FLT1: variants seen among roughly 807,000 people sequenced by gnomAD.
FLT1 encodes the protein fms related receptor tyrosine kinase 1, also known as vascular endothelial growth factor receptor 1.
A neutral mutation model predicts 156.3 loss-of-function variants in FLT1; 49 were observed. The ratio of observed to expected loss-of-function variants is 0.31; its 90% CI spans 0.25 to 0.40. The LOEUF (loss-of-function observed/expected upper bound fraction) is 0.40, where lower values mean the gene tolerates loss of function less well. Among genes scored for constraint, FLT1 ranks in the 10% least tolerant of loss-of-function variants. The probability of loss-of-function intolerance (pLI) is 1.00; values close to 1 mark genes in which losing one functional copy is unlikely to be tolerated. For synonymous variants in FLT1, 594 were observed against 583.8 expected (o/e 1.02, Z -0.25); for missense variants, 1,322 against 1,637.2 (o/e 0.81, Z 3.32).
Position 28,366,884 on chromosome 13 carries a change from G to A in FLT1, c.2117-9199C>T, listed in dbSNP as rs141696902. On this transcript the variant is annotated intron_variant, in intron 14 of 29. Coordinates refer to ENST00000282397, the MANE Select transcript of FLT1 (RefSeq NM_002019.4). The stretch of plus-strand genomic sequence containing the variant: ...CATAAAATTGCTGACTTTCTTATCT[G>A]CCCACTCCACTGTGGGCTCCTGGAG... Among the ~76,000 whole-genome samples the A allele has an allele frequency of 2.8e-3, 429 of 152,206 alleles. 3 individuals carry two copies. Among genetic ancestry groups the A allele is most frequent in the African/African-American group, 9.9e-3 (413 of 41,516 alleles).
chr13:28,367,708 C>A (rs950741386), intron 14 of FLT1, among the ~76,000 whole-genome samples: 2 of 152,200 alleles, frequency 1.3e-5, no homozygotes, highest in Non-Finnish European at 2.9e-5. Flanking sequence ...CCTGTTCCCC[C>A]CCACACACAA....
rs542554379 is a variant in FLT1 at position 28,310,431 on chromosome 13, G to A, written c.3635+1159C>T. On this transcript the variant is annotated intron_variant, in intron 27 of 29. Coordinates refer to ENST00000282397, the MANE Select transcript of FLT1 (RefSeq NM_002019.4). ...ACAGTTTCGGCAAGCCTTCCTTCTG[G>A]GAGCCTTAAGGTCCCCATTTGTGTA... Among the ~76,000 whole-genome samples, 868 of 152,204 alleles carry A rather than the reference G, an allele frequency of 5.7e-3. 2 individuals are homozygous for A. The highest frequency in any genetic ancestry group is 1.0e-2 in the Non-Finnish European group (680 of 68,018).
intron 1 of FLT1, among the ~76,000 whole-genome samples, chr13:28,471,859 A>AT (rs1398771429): frequency 2.6e-5 from 4 of 152,218 alleles, no homozygotes; most frequent in Non-Finnish European, 4.4e-5. Context: ...TAAGAGGCAT[A>AT]CAGATCTCCT....
At chr13:28,486,989 C>T (rs567306151) in intron 1 of FLT1, among the ~76,000 whole-genome samples, 2 of 152,294 alleles carry the variant, frequency 1.3e-5, no homozygotes, top group Admixed American at 6.5e-5. Flanking sequence ...GGCCCTATCC[C>T]AGGCCTACTG....
At chr13:28,317,310 C>T (rs549029298) in intron 25 of FLT1, among the ~76,000 whole-genome samples, 188 bp downstream of exon 25, 143 of 152,344 alleles carry the variant, frequency 9.4e-4, no homozygotes, top group African/African-American at 3.3e-3. Context: ...GGGCCACGTG[C>T]CCCACTGCAA....
Position 28,484,420 on chromosome 13 carries a change from C to A in FLT1, c.64+10360G>T, listed in dbSNP as rs116133726. ...GTTTGTCATCTGAACTGGTTTAAAG[C>A]CATATCTAGGAGAGCAGTTTGGAAG... On this transcript the variant is annotated intron_variant, in intron 1 of 29. Coordinates refer to ENST00000282397, the MANE Select transcript of FLT1 (RefSeq NM_002019.4). 6.4e-3 allele frequency among the ~76,000 whole-genome samples: 977 copies of A among 152,272 alleles called. 13 individuals carry two copies. The highest frequency in any genetic ancestry group is 0.022 in the African/African-American group (924 of 41,552).
chr13:28,339,122 T>C, intron 17 of FLT1, 46 bp downstream of exon 17: 1 of 1,575,886 alleles, frequency 6.3e-7, no homozygotes, highest in South Asian at 1.1e-5. Context: ...TTTCATGTAA[T>C]ATGTGCTCAG....
chr13:28,350,495 A>T (rs879793649), intron 15 of FLT1, among the ~76,000 whole-genome samples: 3 of 152,028 alleles, frequency 2.0e-5, no homozygotes, highest in Non-Finnish European at 2.9e-5. Flanking sequence ...AGCTTTCCTG[A>T]TAGCAATAGT....
chr13:28,414,421 T>C (rs1876523810), intron 10 of FLT1, among the ~76,000 whole-genome samples: 1 of 152,218 alleles, frequency 6.6e-6, no homozygotes, highest in African/African-American at 2.4e-5. Context: ...AGCAACCCCA[T>C]GCTACCATGT....
rs182820604 is a variant in FLT1, at chr13:28,391,495, C to T, written c.1661-1391G>A. Among the ~76,000 whole-genome samples the T allele has an allele frequency of 2.6e-3, 397 of 152,356 alleles. 1 individual carries two copies. The highest frequency in any genetic ancestry group is 9.1e-3 in the African/African-American group (379 of 41,594). ...TGACCTGGAAGCCCCCTCCCCACTT[C>T]GAGTTGTCCTGCCTTTCCAGGCGGA... On this transcript the variant is annotated intron_variant, in intron 12 of 29. Coordinates refer to ENST00000282397, the MANE Select transcript of FLT1 (RefSeq NM_002019.4).
intron 5 of FLT1, 44 bp downstream of exon 5, chr13:28,434,014 C>A: frequency 2.5e-6 from 4 of 1,613,848 alleles, no homozygotes; most frequent in Non-Finnish European, 8.5e-7. Flanking sequence ...GATAAAAATA[C>A]AGAGCACTTC....
In FLT1 at chr13:28,434,229, G is replaced by T. The variant is rs1474848092; in HGVS notation, c.514-9C>A. The T allele has an allele frequency of 6.2e-7, 1 of 1,613,578 alleles. No homozygotes were observed. Among genetic ancestry groups the T allele is most frequent in the Non-Finnish European group, 8.5e-7 (1 of 1,179,870 alleles). ...AAAGTGTCAAGTGGAAACTGAAAAG[G>T]AAGAGGCATGCATTAACAAGGTCCT... On this transcript the variant is annotated splice_polypyrimidine_tract_variant and intron_variant, in intron 4 of 29. Coordinates refer to ENST00000282397, the MANE Select transcript of FLT1 (RefSeq NM_002019.4).
intron 17 of FLT1, among the ~76,000 whole-genome samples, chr13:28,334,513 A>G (rs1286496652): frequency 6.6e-6 from 1 of 152,076 alleles, no homozygotes; most frequent in Non-Finnish European, 1.5e-5. Context: ...TTCTTTTTCC[A>G]TTTACAGTCA....
At chr13:28,386,386 A>G in intron 13 of FLT1, 4 of 1,007,712 alleles carry the variant, frequency 4.0e-6, no homozygotes, top group South Asian at 4.7e-5. Flanking sequence ...CTGTTAGGAG[A>G]AACAGATTTC....
chr13:28,302,987 C>G lies in FLT1; in HGVS notation c.*180G>C, dbSNP rs1870573127. 1.7e-6 allele frequency: 1 copy of G among 603,646 alleles called. No homozygotes were observed. Among genetic ancestry groups the G allele is most frequent in the Non-Finnish European group, 2.9e-6 (1 of 342,670 alleles). 37.4% of individuals were successfully genotyped at this position (603,646 alleles called of 1,614,324 possible). On this transcript the variant is annotated 3_prime_UTR_variant, in exon 30 of 30. Transcript: ENST00000282397. ...TCTTCACTTGTCACTATTTCTCTAT[C>G]TGGAGTTACATTCTTGTTAGTCAAA...
chr13:28,399,811 A>G (rs1273179244), intron 11 of FLT1, among the ~76,000 whole-genome samples: 1 of 152,254 alleles, frequency 6.6e-6, no homozygotes, highest in Admixed American at 6.5e-5. Flanking sequence ...AAATAGAAGC[A>G]GAAAACAACG....
At chr13:28,324,410 G>C (rs958619962) in intron 20 of FLT1, among the ~76,000 whole-genome samples, 6 of 152,176 alleles carry the variant, frequency 3.9e-5, no homozygotes, top group African/African-American at 1.4e-4. Flanking sequence ...GTGGGAGCAA[G>C]CAGAGCACTG....
chr13:28,365,948 G>A (rs538257403), intron 14 of FLT1, among the ~76,000 whole-genome samples: 1 of 152,308 alleles, frequency 6.6e-6, no homozygotes, highest in African/African-American at 2.4e-5. Context: ...ATATAAATGA[G>A]TTGGGGATAA....
intron 16 of FLT1, among the ~76,000 whole-genome samples, chr13:28,341,282 G>A (rs1371824183): frequency 6.6e-6 from 1 of 152,168 alleles, no homozygotes; most frequent in Admixed American, 6.5e-5. Context: ...AATGTTAGTT[G>A]GCAAATATTT....
Sources: gnomAD v4.1 joint callset for allele counts (sites outside exome capture counted in the v4.1 genomes callset) on GRCh38, gnomAD v4.1.1 for gene constraint, MANE v1.5 for transcripts, NCBI Gene and HGNC (gene_info 2026-07-23, HGNC 2026-07-21) for gene names.